Variants in LPCAT1 observed in about 807,000 individuals in gnomAD.
The protein encoded by LPCAT1 is 1-acylglycerol-3-phosphate O-acyltransferase.
Under a neutral mutation model 60.9 loss-of-function variants are expected in LPCAT1, and 23 were observed. The observed-to-expected ratio is 0.38, with a 90% CI of 0.27 to 0.53. The LOEUF (loss-of-function observed/expected upper bound fraction) is 0.53, where lower values mean the gene tolerates loss of function less well. LPCAT1 is among the 20% of genes least tolerant of loss of function. The pLI is 0.82. For missense variants in LPCAT1, 622 were observed against 723.6 expected, an observed-to-expected ratio of 0.86 and a Z score of 1.61; for synonymous variants, 340 against 301.1, an observed-to-expected ratio of 1.13 and a Z score of -1.34.
chr5:1,483,416 A>G lies in LPCAT1; in HGVS notation c.726+12T>C. 1.9e-6 allele frequency: 3 copies of G among 1,613,692 alleles called. No individual in the cohort carries two copies. Among genetic ancestry groups the G allele is most frequent in the Non-Finnish European group, 2.5e-6 (3 of 1,179,988 alleles). ...TTCCCCTGGAAGCTGACCCCAAAAA[A>G]ACACAACTCACCAGTTTATTTGGAT... On this transcript the variant is annotated intron_variant, in intron 6 of 13. Transcript: ENST00000283415. The surrounding 1 kb of genome is among the most constrained non-coding windows in gnomAD (Gnocchi z 9.2).
At chr5:1,489,963 TC>T in intron 3 of LPCAT1, 105 bp from the exon 4 acceptor site, 1 of 809,510 alleles carries the variant, frequency 1.2e-6, no homozygotes, top group Non-Finnish European at 2.2e-6. Context: ...GGCGGGAGAC[TC>T]CAGATGCCCC....
chr5:1,491,615 C>A (rs1735586879), intron 3 of LPCAT1, among the ~76,000 whole-genome samples: 1 of 152,128 alleles, frequency 6.6e-6, no homozygotes. Flanking sequence ...AGATGCAGCT[C>A]CTCCCCGGGA....
chr5:1,477,074 G>A lies in LPCAT1; in HGVS notation c.899+330C>T, dbSNP rs193085454. 1.8e-3 allele frequency among the ~76,000 whole-genome samples: 281 copies of A among 152,340 alleles called. 1 individual carries two copies. Among genetic ancestry groups the A allele is most frequent in the African/African-American group, 6.4e-3 (266 of 41,576 alleles). ...AGCAAAGGTAGGCGTGGAGGCCGCC[G>A]CACAGATGTGAAGTTGGCCCAGGCC... On this transcript the variant is annotated intron_variant, in intron 9 of 13. Coordinates refer to ENST00000283415, the MANE Select transcript of LPCAT1 (RefSeq NM_024830.5). This position sits in a 1 kb window ranked among gnomAD's most constrained non-coding sequence, Gnocchi z 6.0.
chr5:1,500,874 C>T (rs558976829), intron 2 of LPCAT1, among the ~76,000 whole-genome samples: 1 of 152,372 alleles, frequency 6.6e-6, no homozygotes, highest in South Asian at 2.1e-4. Context: ...ATGGCCCCTC[C>T]CGGGCCCACG....
intron 6 of LPCAT1, among the ~76,000 whole-genome samples, chr5:1,482,289 C>T (rs183981722): frequency 2.0e-5 from 3 of 150,566 alleles, no homozygotes; most frequent in East Asian, 2.0e-4. Flanking sequence ...GAGGCAAGGT[C>T]GCCTAAGTGG....
At chr5:1,492,895 G>A (rs1299695282) in intron 3 of LPCAT1, among the ~76,000 whole-genome samples, 1 of 152,206 alleles carries the variant, frequency 6.6e-6, no homozygotes, top group Non-Finnish European at 1.5e-5. Context: ...GAGGGTGCCT[G>A]GGCACACAGC....
intron 13 of LPCAT1, among the ~76,000 whole-genome samples, chr5:1,464,970 GCA>G (rs760240220): frequency 1.4e-5 from 2 of 144,214 alleles, no homozygotes; most frequent in Admixed American, 6.9e-5. Context: ...ACACATGCAC[GCA>G]CACATACAAA....
At chr5:1,494,253 T>G (rs1419518606) in intron 3 of LPCAT1, among the ~76,000 whole-genome samples, 2 of 152,222 alleles carry the variant, frequency 1.3e-5, no homozygotes, top group Non-Finnish European at 2.9e-5. Context: ...CAAGCAGACC[T>G]GGAGCAAGCA....
rs893880021 is a variant in LPCAT1 at position 1,487,016 on chromosome 5, G to A, written c.667+1375C>T. On this transcript the variant is annotated intron_variant, in intron 5 of 13. Transcript: ENST00000283415. This position sits in a 1 kb window ranked among gnomAD's most constrained non-coding sequence, Gnocchi z 6.1. ...AGAGGTGCTCACACGCCCTCCTCAC[G>A]TCTACACAAGGGCCGCCAGCTCCAA... Among the ~76,000 whole-genome samples the A allele has an allele frequency of 3.3e-5, 5 of 152,016 alleles. No homozygotes were observed. Among genetic ancestry groups the A allele is most frequent in the Admixed American group, 6.5e-5 (1 of 15,270 alleles).
chr5:1,466,158 C>G (rs1383446353), intron 13 of LPCAT1, among the ~76,000 whole-genome samples: 1 of 152,236 alleles, frequency 6.6e-6, no homozygotes, highest in Non-Finnish European at 1.5e-5. Flanking sequence ...GGGAGGGAGG[C>G]GCCCCGGGCT....
rs781263145 is a variant in LPCAT1 at position 1,461,657 on chromosome 5, T to A, written c.*1994A>T. The A allele has an allele frequency of 4.6e-5, 7 of 152,838 alleles. No homozygotes were observed. Among genetic ancestry groups the A allele is most frequent in the Non-Finnish European group, 8.8e-5 (6 of 68,052 alleles). 9.5% of individuals were successfully genotyped at this position (152,838 alleles called of 1,614,324 possible). ...TTCACAGTTCCGAATATCCGCCAAC[T>A]CTAAGTCGCCACGAAGAGAAAAGAG... On this transcript the variant is annotated 3_prime_UTR_variant, in exon 14 of 14. Transcript: ENST00000283415.
At position 1,495,468 on chromosome 5, in the gene LPCAT1, G is replaced by C. The variant is rs1008227887; in HGVS notation, c.279-554C>G. Among the ~76,000 whole-genome samples, 5 of 152,144 alleles carry C rather than the reference G, an allele frequency of 3.3e-5. No individual in the cohort carries two copies. Among genetic ancestry groups the C allele is most frequent in the African/African-American group, 1.2e-4 (5 of 41,428 alleles). On this transcript the variant is annotated intron_variant, in intron 2 of 13. Transcript: ENST00000283415. The surrounding 1 kb of genome is among the most constrained non-coding windows in gnomAD (Gnocchi z 4.7). ...AGTGAGCTGTTTCTGGAGGAAATTAGATGGCCAATAAATTTGGAAAATAAA... is the reference window on the plus strand; with the variant it reads ...AGTGAGCTGTTTCTGGAGGAAATTACATGGCCAATAAATTTGGAAAATAAA...
In LPCAT1 at chr5:1,466,804, G is replaced by A. The variant is rs2277006; in HGVS notation, c.1365C>T (p.Thr455=). The A allele has an allele frequency of 0.24, 381,083 of 1,611,992 alleles. 49,894 individuals carry two copies. Among genetic ancestry groups the A allele is most frequent in the East Asian group, 0.44 (19,767 of 44,720 alleles). Residue 455 remains threonine (T), a synonymous_variant, in exon 13 of 14, where the codon ACC becomes ACT. Coordinates refer to ENST00000283415, the MANE Select transcript of LPCAT1 (RefSeq NM_024830.5). ...LKTALGVAEL[T]VTDLFRAIDQ... ...CAATGGCTCGGAATAGGTCGGTCACGGTGAGCTCTGCCACCCCCAGGGCCG... is the reference window on the plus strand; with the variant it reads ...CAATGGCTCGGAATAGGTCGGTCACAGTGAGCTCTGCCACCCCCAGGGCCG...
At chr5:1,509,012 C>T (rs927352869) in intron 1 of LPCAT1, among the ~76,000 whole-genome samples, 12 of 152,260 alleles carry the variant, frequency 7.9e-5, no homozygotes, top group Admixed American at 2.6e-4. Flanking sequence ...AGGGGTGCTG[C>T]GGTGAGGCCC....
chr5:1,488,507 G>A (rs1179572625), intron 4 of LPCAT1, 56 bp from the exon 5 acceptor site: 5 of 1,185,172 alleles, frequency 4.2e-6, no homozygotes, highest in Non-Finnish European at 4.9e-6. Flanking sequence ...TTATAATTCA[G>A]AACTTACAGA....
chr5:1,482,961 T>G (rs2126530012), intron 6 of LPCAT1, among the ~76,000 whole-genome samples: 1 of 152,322 alleles, frequency 6.6e-6, no homozygotes, highest in African/African-American at 2.4e-5. Context: ...CAAAGTCACC[T>G]CCTTTCTCTC....
intron 8 of LPCAT1, 44 bp downstream of exon 8, chr5:1,479,577 C>T: frequency 7.0e-6 from 10 of 1,431,190 alleles, no homozygotes; most frequent in Non-Finnish European, 9.9e-6. Context: ...GTGTCTGCAT[C>T]AACCACTGTG....
At position 1,462,246 on chromosome 5, in the gene LPCAT1, T is replaced by C. The variant is rs947083163; in HGVS notation, c.*1405A>G. 4 of 152,596 alleles carry C rather than the reference T, an allele frequency of 2.6e-5. No individual in the cohort carries two copies. Among genetic ancestry groups the C allele is most frequent in the African/African-American group, 9.7e-5 (4 of 41,440 alleles). 9.5% of individuals were successfully genotyped at this position (152,596 alleles called of 1,614,324 possible). ...AAATTTTCCAAACAAACCCGGAGCC[T>C]TTGCTTTAGGAAGCAAACTCAAGTC... On this transcript the variant is annotated 3_prime_UTR_variant, in exon 14 of 14. Transcript: ENST00000283415.
At chr5:1,505,714 C>T (rs1028598468) in intron 1 of LPCAT1, among the ~76,000 whole-genome samples, 6 of 151,950 alleles carry the variant, frequency 3.9e-5, no homozygotes, top group Non-Finnish European at 8.8e-5. Flanking sequence ...ACCTGAGCCT[C>T]GACTTACACA....
Sources: gnomAD v4.1 joint callset for allele counts (sites outside exome capture counted in the v4.1 genomes callset) on GRCh38, gnomAD v4.1.1 for gene constraint, Gnocchi (gnomAD v3.1) non-coding constraint, MANE v1.5 for transcripts, NCBI Gene and HGNC (gene_info 2026-07-23, HGNC 2026-07-21) for gene names.